The following PMS2 variants were observed in gnomAD, a reference collection of about 807,000 sequenced individuals.
PMS2 encodes the protein mismatch repair endonuclease PMS2.
PMS2 carries 69 observed loss-of-function variants against 90.0 expected under a neutral mutation model. The observed-to-expected ratio is 0.77, with a 90% CI of 0.63 to 0.94. The LOEUF (loss-of-function observed/expected upper bound fraction) is 0.94, where lower values mean the gene tolerates loss of function less well. PMS2 is among the 40% of genes least tolerant of loss of function. The probability of loss-of-function intolerance (pLI) is 0.00; values close to 1 mark genes in which losing one functional copy is unlikely to be tolerated. For synonymous variants in PMS2, 332 were observed against 375.1 expected (o/e 0.89, Z 1.33); for missense variants, 966 against 1,040.2 (o/e 0.93, Z 0.98).
chr7:6,003,908 T>C, intron 3 of PMS2, 64 bp downstream of exon 3: 2 of 1,270,984 alleles, frequency 1.6e-6, no homozygotes, highest in South Asian at 2.4e-5. Context: ...AAGACAGTGT[T>C]ACTCAAAATT....
Position 5,984,684 on chromosome 7 carries a change from C to T in PMS2, c.2007-1693G>A, listed in dbSNP as rs190186159. 1.7e-4 allele frequency among the ~76,000 whole-genome samples: 26 copies of T among 151,666 alleles called. 1 individual carries two copies. The highest frequency in any genetic ancestry group is 1.4e-3 in the Admixed American group (22 of 15,236). On this transcript the variant is annotated intron_variant, in intron 11 of 14. Transcript: ENST00000265849. ...CCTGTACTCCCAGCTACTTGGGAAACGAAGGCAGAAGAATCGTTTGAACCC... is the reference window on the plus strand; with the variant it reads ...CCTGTACTCCCAGCTACTTGGGAAATGAAGGCAGAAGAATCGTTTGAACCC...
At chr7:5,994,370 G>C (rs994278832) in intron 8 of PMS2, among the ~76,000 whole-genome samples, 2 of 150,892 alleles carry the variant, frequency 1.3e-5, no homozygotes, top group South Asian at 2.1e-4. Context: ...AACAGGGCGA[G>C]ACTCCATCTC....
At chr7:5,976,041 C>T (rs558313923) in intron 14 of PMS2, among the ~76,000 whole-genome samples, 1 of 144,702 alleles carries the variant, frequency 6.9e-6, no homozygotes, top group East Asian at 2.9e-4. Flanking sequence ...GAGATCAACA[C>T]CAGCCTGACC....
rs114185660 is a variant in PMS2 at position 5,992,037 on chromosome 7, C to G, written c.924G>C (p.Glu308Asp). ...GGTGTCGATTATACATGTGGTAGAC[C>G]TCATTCACGAGTCTGCAGACCTGCA... ...DPAKVCRLVN[E>D]VYHMYNRHQY... The change falls in exon 9 of 15, where the codon GAG becomes GAC. Residue 308 changes from glutamate (E) to aspartate (D), a missense_variant. Physicochemically the swap from Glu to Asp is conservative, Grantham distance 45 (BLOSUM62 2). Transcript: ENST00000265849. The G allele has an allele frequency of 2.4e-5, 39 of 1,593,066 alleles. No homozygotes were observed. Among genetic ancestry groups the G allele is most frequent in the African/African-American group, 1.9e-4 (14 of 74,600 alleles).
intron 2 of PMS2, chr7:6,004,462 T>C: frequency 1.1e-5 from 2 of 177,882 alleles, no homozygotes; most frequent in Non-Finnish European, 2.4e-5. Flanking sequence ...ATGCCTGTAA[T>C]TCCAGCACTT....
At chr7:5,982,551 G>A (rs1406442316) in intron 12 of PMS2, among the ~76,000 whole-genome samples, 1 of 152,020 alleles carries the variant, frequency 6.6e-6, no homozygotes, top group Non-Finnish European at 1.5e-5. Flanking sequence ...TGGCCAGGCT[G>A]GTCTCCAACT....
intron 6 of PMS2, 72 bp downstream of exon 6, chr7:5,999,036 T>C: frequency 7.1e-7 from 1 of 1,399,570 alleles, no homozygotes; most frequent in South Asian, 1.2e-5. Flanking sequence ...TCCATTCTAC[T>C]GGAAGGGACA....
At position 5,977,675 on chromosome 7, in the gene PMS2, C is replaced by T. The variant is rs535056715; in HGVS notation, c.2358G>A (p.Leu786=). 6.2e-7 allele frequency: 1 copy of T among 1,606,040 alleles called. No individual in the cohort carries two copies. The highest frequency in any genetic ancestry group is 1.7e-4 in the Middle Eastern group (1 of 6,038). ...CAGGGCTGTCGCTCAGCATGAAGAT[C>T]AGTTCATCGACGTCCTGGGGTCCGA... is the stretch of plus-strand genomic sequence containing the variant. ...WTFGPQDVDE[L]IFMLSDSPGV... The change falls in exon 14 of 15, where the codon CTG becomes CTA. Residue 786 remains leucine, a synonymous_variant. Coordinates refer to ENST00000265849, the MANE Select transcript of PMS2 (RefSeq NM_000535.7).
At chr7:5,996,590 A>AAAAATATATATAT (rs56858711) in intron 7 of PMS2, among the ~76,000 whole-genome samples, 3 of 110,192 alleles carry the variant, frequency 2.7e-5, no homozygotes, top group African/African-American at 3.8e-5. Context: ...AAAAAAAAAA[A>AAAAATATATATAT]ATATATATAT....
intron 1 of PMS2, among the ~76,000 whole-genome samples, chr7:6,006,972 A>C (rs1462064217): frequency 6.6e-6 from 1 of 152,114 alleles, no homozygotes; most frequent in Non-Finnish European, 1.5e-5. Flanking sequence ...TCTGCTTAAA[A>C]ATTTACTAGT....
intron 1 of PMS2, among the ~76,000 whole-genome samples, chr7:6,007,324 C>G (rs532595094): frequency 2.6e-5 from 4 of 152,154 alleles, no homozygotes; most frequent in African/African-American, 9.6e-5. Flanking sequence ...CCATGTTGGC[C>G]AGGCTGGTCT....
rs558032755 is a variant in PMS2, at chr7:6,005,941, C to T, written c.114G>A (p.Ala38=). 1.1e-5 allele frequency: 18 copies of T among 1,610,826 alleles called. No individual in the cohort carries two copies. Among genetic ancestry groups the T allele is most frequent in the East Asian group, 8.9e-5 (4 of 44,870 alleles). ...SGQVVLSLST[A]VKELVENSLD... is the part of the protein sequence containing the mutation. Reference sequence around the variant, plus strand: ...GACTGTTTTCTACTAACTCCTTTACCGCAGTGCTTAGACTCAGTACCACCT... The same window carrying T: ...GACTGTTTTCTACTAACTCCTTTACTGCAGTGCTTAGACTCAGTACCACCT... Residue 38 remains alanine (A), a synonymous_variant, in exon 2 of 15, where the codon GCG becomes GCA. Transcript: ENST00000265849.
intron 5 of PMS2, among the ~76,000 whole-genome samples, chr7:6,001,762 T>C (rs1338463020): frequency 2.0e-5 from 3 of 151,580 alleles, no homozygotes; most frequent in Non-Finnish European, 4.4e-5. Context: ...GGTGGGCAGA[T>C]CACCTGAGGT....
intron 8 of PMS2, among the ~76,000 whole-genome samples, chr7:5,995,157 C>T (rs1366190734): frequency 6.6e-6 from 1 of 152,144 alleles, no homozygotes; most frequent in Non-Finnish European, 1.5e-5. Flanking sequence ...CCTGCCTCAG[C>T]CTCCCATGTA....
intron 14 of PMS2, 152 bp from the exon 15 acceptor site, chr7:5,973,694 G>T: frequency 5.3e-6 from 1 of 190,442 alleles, no homozygotes; most frequent in Non-Finnish European, 9.1e-6. Context: ...AGAAGCCTAG[G>T]TTCTAGATCT....
intron 10 of PMS2, 127 bp downstream of exon 10, chr7:5,989,673 G>C (rs899429825): frequency 1.4e-6 from 1 of 710,332 alleles, no homozygotes; most frequent in African/African-American, 1.8e-5. Context: ...TCTCAAAAAA[G>C]AATTAAAAAT....
At chr7:5,993,353 A>C (rs1456008425) in intron 8 of PMS2, among the ~76,000 whole-genome samples, 2 of 139,614 alleles carry the variant, frequency 1.4e-5, no homozygotes, top group African/African-American at 5.3e-5. Flanking sequence ...CCTGGGCGAC[A>C]GAGCTAGACT....
At chr7:6,007,675 G>A (rs577164238) in intron 1 of PMS2, among the ~76,000 whole-genome samples, 4 of 152,190 alleles carry the variant, frequency 2.6e-5, no homozygotes, top group African/African-American at 9.6e-5. Flanking sequence ...ACACATCGTA[G>A]GCCTTTAATA....
chr7:5,997,176 T>G (rs1037310089), intron 7 of PMS2, 150 bp downstream of exon 7: 2 of 632,504 alleles, frequency 3.2e-6, no homozygotes, highest in African/African-American at 3.8e-5. Flanking sequence ...ATAGCACCAT[T>G]GCACTCCAGC....
Sources: gnomAD v4.1 joint callset for allele counts (sites outside exome capture counted in the v4.1 genomes callset) on GRCh38, gnomAD v4.1.1 for gene constraint, MANE v1.5 for transcripts, NCBI Gene and HGNC (gene_info 2026-07-23, HGNC 2026-07-21) for gene names.